The following NTSR1 variants were observed in gnomAD, a reference collection of about 807,000 sequenced individuals.
NTSR1 encodes neurotensin receptor 1, also known as neurotensin receptor type 1.
In NTSR1, 29 loss-of-function variants were observed where a neutral mutation model predicts 31.2. The observed-to-expected ratio is 0.93, with a 90% CI of 0.69 to 1.27. The LOEUF is 1.27. NTSR1 is among the 50% of genes most tolerant of loss of function. The pLI is 0.00. For missense variants in NTSR1, 697 were observed against 595.4 expected (o/e 1.17, Z -1.78); for synonymous variants, 282 against 269.9 (o/e 1.04, Z -0.44).
At chr20:62,738,541 G>A (rs1989146348) in intron 1 of NTSR1, among the ~76,000 whole-genome samples, 1 of 152,258 alleles carries the variant, frequency 6.6e-6, no homozygotes, top group Non-Finnish European at 1.5e-5. Flanking sequence ...GAGCCTATGA[G>A]CCGTACATTT....
chr20:62,721,685 C>T (rs1988829415), intron 1 of NTSR1, among the ~76,000 whole-genome samples: 1 of 152,218 alleles, frequency 6.6e-6, no homozygotes, highest in African/African-American at 2.4e-5. Flanking sequence ...AACTCCAGGA[C>T]TTGTGTTGAC....
At chr20:62,730,479 G>C (rs1353904364) in intron 1 of NTSR1, among the ~76,000 whole-genome samples, 5 of 152,166 alleles carry the variant, frequency 3.3e-5, no homozygotes, top group Non-Finnish European at 7.4e-5. Context: ...ATGTCCCCCA[G>C]CTTGTTTATT....
rs11484429 is a variant in NTSR1, at chr20:62,732,119, CAAAAAA to C, written c.714+22209_714+22214del. On this transcript the variant is annotated intron_variant, in intron 1 of 3. Transcript: ENST00000370501. The surrounding 1 kb of genome is among the most constrained non-coding windows in gnomAD (Gnocchi z 4.0). ...TGGGCGACAGAGTGAGACTCCATTT[CAAAAAA>C]AAAAAAAAAATTACACTGTACCGAT... is the stretch of plus-strand genomic sequence containing the variant. Among the ~76,000 whole-genome samples the C allele has an allele frequency of 2.1e-5, 3 of 145,224 alleles. No homozygotes were observed. The highest frequency in any genetic ancestry group is 4.5e-5 in the Non-Finnish European group (3 of 66,520).
In NTSR1 at chr20:62,743,710, C is replaced by T. The variant is rs967569588; in HGVS notation, c.715-10975C>T. On this transcript the variant is annotated intron_variant, in intron 1 of 3. Coordinates refer to ENST00000370501, the MANE Select transcript of NTSR1 (RefSeq NM_002531.3). This position sits in a 1 kb window ranked among gnomAD's most constrained non-coding sequence, Gnocchi z 7.5. ...ACAGGCTGGCTGCGGAGCCGGGAAG[C>T]AGTGTGCCAGTCTGGGGCTGTCTCT... 3.3e-5 allele frequency among the ~76,000 whole-genome samples: 5 copies of T among 152,210 alleles called. No individual in the cohort carries two copies. Among genetic ancestry groups the T allele is most frequent in the East Asian group, 3.9e-4 (2 of 5,192 alleles).
intron 1 of NTSR1, among the ~76,000 whole-genome samples, chr20:62,712,608 G>A (rs1234965138): frequency 6.6e-6 from 1 of 152,212 alleles, no homozygotes; most frequent in Non-Finnish European, 1.5e-5. Flanking sequence ...AGGACCTGGT[G>A]CCCAGGACCC....
In NTSR1 at chr20:62,732,450, G is replaced by A. The variant is rs962316412; in HGVS notation, c.715-22235G>A. 2.6e-5 allele frequency: 4 copies of A among 152,190 alleles called. No individual in the cohort carries two copies. The highest frequency in any genetic ancestry group is 2.1e-4 in the South Asian group (1 of 4,822). The allele number at this position is 152,190 out of a possible 1,614,324, so 9.4% of individuals were successfully genotyped here. On this transcript the variant is annotated intron_variant, in intron 1 of 3. Coordinates refer to ENST00000370501, the MANE Select transcript of NTSR1 (RefSeq NM_002531.3). The surrounding 1 kb of genome is among the most constrained non-coding windows in gnomAD (Gnocchi z 4.0). Reference sequence around the variant, plus strand: ...TGATGGATTTCGATAATCTGTTTCCGAACCCTGGAGCAGCCTCGCATGCCT... The same window carrying A: ...TGATGGATTTCGATAATCTGTTTCCAAACCCTGGAGCAGCCTCGCATGCCT...
rs533100111 is a variant in NTSR1 at position 62,736,272 on chromosome 20, G to A, written c.715-18413G>A. Among the ~76,000 whole-genome samples the A allele has an allele frequency of 4.6e-5, 7 of 152,346 alleles. No homozygotes were observed. The South Asian group carries it at 1.0e-3, about 23-fold the overall frequency. On this transcript the variant is annotated intron_variant, in intron 1 of 3. Transcript: ENST00000370501. ...GGCTCCTTTCCCTGTCTGGGTCTGGGGCTGCTGCCCTTGGCAGCTGGGGAG... is the reference window on the plus strand; with the variant it reads ...GGCTCCTTTCCCTGTCTGGGTCTGGAGCTGCTGCCCTTGGCAGCTGGGGAG...
chr20:62,726,052 T>G (rs1311766560), intron 1 of NTSR1, among the ~76,000 whole-genome samples: 1 of 152,060 alleles, frequency 6.6e-6, no homozygotes, highest in Non-Finnish European at 1.5e-5. Context: ...GCATTTGGGG[T>G]AGAATAAAAT....
At chr20:62,712,670 G>A (rs1845234355) in intron 1 of NTSR1, among the ~76,000 whole-genome samples, 1 of 152,210 alleles carries the variant, frequency 6.6e-6, no homozygotes, top group South Asian at 2.1e-4. Context: ...CTGGGAGGAG[G>A]AGCTGGGGGC....
intron 1 of NTSR1, among the ~76,000 whole-genome samples, chr20:62,724,888 T>C (rs1988879606): frequency 6.6e-6 from 1 of 151,678 alleles, no homozygotes; most frequent in East Asian, 1.9e-4. Context: ...GGCTTCCCCC[T>C]GTGCGTCTCT....
rs1989601452 is a variant in NTSR1 at position 62,760,460 on chromosome 20, C to T, written c.*193C>T. The stretch of plus-strand genomic sequence containing the variant: ...CATTAGTGTCTCCCGGGCCTGTCCC[C>T]AACTCCTCCCCACCCCTCCCCCATC... On this transcript the variant is annotated 3_prime_UTR_variant, in exon 4 of 4. Transcript: ENST00000370501. 1 of 555,078 alleles carries T rather than the reference C, an allele frequency of 1.8e-6. No homozygotes were observed. The highest frequency in any genetic ancestry group is 3.1e-6 in the Non-Finnish European group (1 of 319,032). The allele number at this position is 555,078 out of a possible 1,614,324, so 34.4% of individuals were successfully genotyped here.
intron 1 of NTSR1, 107 bp downstream of exon 1, chr20:62,710,028 C>G: frequency 1.0e-6 from 1 of 995,990 alleles, no homozygotes; most frequent in African/African-American, 1.6e-5. Context: ...CAGAGACAGT[C>G]TACTCCTGCG....
In NTSR1 at chr20:62,743,612, G is replaced by A. The variant is rs976675522; in HGVS notation, c.715-11073G>A. On this transcript the variant is annotated intron_variant, in intron 1 of 3. Transcript: ENST00000370501. This position sits in a 1 kb window ranked among gnomAD's most constrained non-coding sequence, Gnocchi z 7.5. ...AGGAGCCTCCCCTCCCACCCGCCCC[G>A]CAGCCTCTGCAGCCATCTTACAAAG... is the stretch of plus-strand genomic sequence containing the variant. Among the ~76,000 whole-genome samples, 1 of 129,544 alleles carries A rather than the reference G, an allele frequency of 7.7e-6. No homozygotes were observed. Among genetic ancestry groups the A allele is most frequent in the Admixed American group, 7.7e-5 (1 of 13,032 alleles). The allele number at this position is 129,544 out of a possible 152,430, so 85.0% of individuals were successfully genotyped here.
rs1989036133 is a variant in NTSR1 at position 62,733,544 on chromosome 20, G to C, written c.715-21141G>C. On this transcript the variant is annotated intron_variant, in intron 1 of 3. Coordinates refer to ENST00000370501, the MANE Select transcript of NTSR1 (RefSeq NM_002531.3). The surrounding 1 kb of genome is among the most constrained non-coding windows in gnomAD (Gnocchi z 5.2). ...GGCTGTGGCTGACTCCTGGCTTAGG[G>C]CTCAGGCCTGTCTCACCTAGCAATG... is the stretch of plus-strand genomic sequence containing the variant. Among the ~76,000 whole-genome samples, 1 of 152,168 alleles carries C rather than the reference G, an allele frequency of 6.6e-6. No homozygotes were observed. The highest frequency in any genetic ancestry group is 6.5e-5 in the Admixed American group (1 of 15,278).
intron 1 of NTSR1, among the ~76,000 whole-genome samples, chr20:62,750,934 G>A (rs1353939898): frequency 1.3e-5 from 2 of 152,152 alleles, no homozygotes; most frequent in African/African-American, 4.8e-5. Flanking sequence ...GGAGTGCAGT[G>A]GCGAAGTCAT....
Position 62,741,115 on chromosome 20 carries a change from G to A in NTSR1, c.715-13570G>A, listed in dbSNP as rs903593819. Reference sequence around the variant, plus strand: ...GCCCAGCACAGGTAGAGGAGGCAAGGGTGTCAGGAAGGCTCTTTCCCTAAT... The same window carrying A: ...GCCCAGCACAGGTAGAGGAGGCAAGAGTGTCAGGAAGGCTCTTTCCCTAAT... On this transcript the variant is annotated intron_variant, in intron 1 of 3. Coordinates refer to ENST00000370501, the MANE Select transcript of NTSR1 (RefSeq NM_002531.3). The surrounding 1 kb of genome is among the most constrained non-coding windows in gnomAD (Gnocchi z 4.3). Among the ~76,000 whole-genome samples, 1 of 152,026 alleles carries A rather than the reference G, an allele frequency of 6.6e-6. No homozygotes were observed. Among genetic ancestry groups the A allele is most frequent in the Non-Finnish European group, 1.5e-5 (1 of 67,974 alleles).
intron 1 of NTSR1, among the ~76,000 whole-genome samples, chr20:62,729,626 A>ATTT (rs36003279): frequency 9.0e-5 from 11 of 122,788 alleles, no homozygotes; most frequent in African/African-American, 3.1e-4. Context: ...GGGGTTTCTA[A>ATTT]TTTTTTTTTT....
intron 2 of NTSR1, among the ~76,000 whole-genome samples, chr20:62,757,356 A>G (rs931517686): frequency 2.6e-5 from 4 of 152,206 alleles, no homozygotes; most frequent in Admixed American, 2.0e-4. Flanking sequence ...CTTGGTGAAG[A>G]TCACTTGACC....
intron 1 of NTSR1, among the ~76,000 whole-genome samples, chr20:62,748,903 C>T (rs768190200): frequency 9.9e-5 from 15 of 152,188 alleles, no homozygotes; most frequent in South Asian, 4.1e-4. Flanking sequence ...CCCCATGCCA[C>T]GGCGGAACTT....
Sources: gnomAD v4.1 joint callset for allele counts (sites outside exome capture counted in the v4.1 genomes callset) on GRCh38, gnomAD v4.1.1 for gene constraint, Gnocchi (gnomAD v3.1) non-coding constraint, MANE v1.5 for transcripts, NCBI Gene and HGNC (gene_info 2026-07-23, HGNC 2026-07-21) for gene names.